Variants in AUP1 observed in about 807,000 individuals in gnomAD.
AUP1 encodes lipid droplet-regulating VLDL assembly factor AUP1.
A neutral mutation model predicts 51.8 loss-of-function variants in AUP1; 30 were observed. The ratio of observed to expected loss-of-function variants is 0.58; its 90% CI spans 0.43 to 0.79. The LOEUF is 0.79. AUP1 is among the 30% of genes least tolerant of loss of function. The pLI is 0.00. For synonymous variants in AUP1, 227 were observed against 209.0 expected (o/e 1.09, Z -0.74); for missense variants, 492 against 517.1 (o/e 0.95, Z 0.47).
rs755012188 is a variant in AUP1 at position 74,528,015 on chromosome 2, A to G, written c.672-9T>C. 1.9e-6 allele frequency: 3 copies of G among 1,614,226 alleles called. No homozygotes were observed. Among genetic ancestry groups the G allele is most frequent in the Non-Finnish European group, 2.5e-6 (3 of 1,180,042 alleles). ...GAACAGGACGAAGCCACCTGCAAAG[A>G]AACAATCCAGGGCTATGTTGTGGGC... On this transcript the variant is annotated splice_polypyrimidine_tract_variant and intron_variant, in intron 6 of 11. Transcript: ENST00000377526.
chr2:74,528,019 AATCCAGGGCTATGTT>A lies in AUP1; in HGVS notation c.672-28_672-14del. On this transcript the variant is annotated splice_polypyrimidine_tract_variant and intron_variant, in intron 6 of 11. Coordinates refer to ENST00000377526, the MANE Select transcript of AUP1 (RefSeq NM_181575.5). ...AGGACGAAGCCACCTGCAAAGAAAC[AATCCAGGGCTATGTT>A]GTGGGCACCCAGGGTAGAGGCTGTC... 1 of 1,614,192 alleles carries A rather than the reference AATCCAGGGCTATGTT, an allele frequency of 6.2e-7. No individual in the cohort carries two copies. The highest frequency in any genetic ancestry group is 1.3e-5 in the African/African-American group (1 of 75,050).
intron 8 of AUP1, 55 bp from the exon 9 acceptor site, chr2:74,527,645 G>A: frequency 3.1e-6 from 5 of 1,589,654 alleles, no homozygotes; most frequent in Non-Finnish European, 4.3e-6. Context: ...AGAACTAGAA[G>A]GAGAGGCTAA....
chr2:74,529,010 G>A (rs1294234555), intron 3 of AUP1, 75 bp from the exon 4 acceptor site: 3 of 1,603,962 alleles, frequency 1.9e-6, no homozygotes, highest in Non-Finnish European at 2.6e-6. Context: ...ATGTTGGGTA[G>A]AGGATCGGGG....
At chr2:74,527,704 C>A (rs372874400) in intron 8 of AUP1, 32 bp downstream of exon 8, 1 of 1,596,576 alleles carries the variant, frequency 6.3e-7, no homozygotes, top group Admixed American at 1.8e-5. Context: ...AAAAAAAAAC[C>A]CCAAAAGCTG....
At position 74,528,946 on chromosome 2, in the gene AUP1, G is replaced by T. The variant is rs199770792; in HGVS notation, c.340-11C>A. The T allele has an allele frequency of 1.9e-6, 3 of 1,613,624 alleles. No individual in the cohort carries two copies. The highest frequency in any genetic ancestry group is 2.5e-6 in the Non-Finnish European group (3 of 1,179,756). On this transcript the variant is annotated splice_polypyrimidine_tract_variant and intron_variant, in intron 3 of 11. Coordinates refer to ENST00000377526, the MANE Select transcript of AUP1 (RefSeq NM_181575.5). ...ACTATTGAGTAGAGGCTGGGAACCA[G>T]GAGAAGAGAAAGCAAGAAGAAAAAT...
In AUP1 at chr2:74,528,915, G is replaced by A; in HGVS notation, c.360C>T (p.Pro120=). 1 of 1,614,130 alleles carries A rather than the reference G, an allele frequency of 6.2e-7. No individual in the cohort carries two copies. The highest frequency in any genetic ancestry group is 8.5e-7 in the Non-Finnish European group (1 of 1,180,000). ...AGCCCCGAGACCAGCACACAAAGCT[G>A]GGGGGACTATTGAGTAGAGGCTGGG... ...TCSTPLLNSP[P]SFVCWSRGFM... Residue 120 remains proline (P), a synonymous_variant, in exon 4 of 12, where the codon CCC becomes CCT. Coordinates refer to ENST00000377526, the MANE Select transcript of AUP1 (RefSeq NM_181575.5).
In AUP1 at chr2:74,527,328, G is replaced by T; in HGVS notation, c.997C>A (p.Leu333Met). 1 of 1,614,166 alleles carries T rather than the reference G, an allele frequency of 6.2e-7. No individual in the cohort carries two copies. Among genetic ancestry groups the T allele is most frequent in the Non-Finnish European group, 8.5e-7 (1 of 1,180,032 alleles). ...TGCVDLTITNLLEGAVAFMPE... is the reference protein window; with the variant it reads ...TGCVDLTITNMLEGAVAFMPE... ...ATGAAAGCTACGGCCCCCTCAAGCA[G>T]ATTAGTGATAGTCAAGTCTACACAG... The change falls in exon 10 of 12, where the codon CTG (leucine) becomes ATG (methionine). Residue 333 changes from leucine (L) to methionine (M), a missense_variant. Physicochemically the swap from Leu to Met is conservative, Grantham distance 15. Transcript: ENST00000377526.
chr2:74,528,053 G>T, intron 6 of AUP1, 47 bp from the exon 7 acceptor site: 1 of 1,605,112 alleles, frequency 6.2e-7, no homozygotes, highest in Non-Finnish European at 8.5e-7. Flanking sequence ...CCAGGGTAGA[G>T]GCTGTCACCA....
chr2:74,527,849 T>C lies in AUP1; in HGVS notation c.739-11A>G. On this transcript the variant is annotated splice_polypyrimidine_tract_variant and intron_variant, in intron 7 of 11. Transcript: ENST00000377526. ...TTCCTTGGCCACCAGCTAGGGAGAATTGGAAGACTGGAAGTGTCAAGATCT... is the reference window on the plus strand; with the variant it reads ...TTCCTTGGCCACCAGCTAGGGAGAACTGGAAGACTGGAAGTGTCAAGATCT... 1.9e-6 allele frequency: 3 copies of C among 1,613,856 alleles called. No homozygotes were observed. Among genetic ancestry groups the C allele is most frequent in the Non-Finnish European group, 1.7e-6 (2 of 1,179,834 alleles).
chr2:74,529,646 G>A lies in AUP1; in HGVS notation c.-17C>T, dbSNP rs757541077. On this transcript the variant is annotated 5_prime_UTR_variant, in exon 1 of 12. Coordinates refer to ENST00000377526, the MANE Select transcript of AUP1 (RefSeq NM_181575.5). ...AAGCTCCATAACTGCTGCTTCAGGA[G>A]CGCCCGGCCGTCGCCGCCGCCGCCA... 4.5e-4 allele frequency: 701 copies of A among 1,552,318 alleles called. No homozygotes were observed. The highest frequency in any genetic ancestry group is 5.0e-4 in the Non-Finnish European group (577 of 1,150,744).
At position 74,529,302 on chromosome 2, in the gene AUP1, T is replaced by C. The variant is rs1675385124; in HGVS notation, c.189-20A>G. 6.2e-7 allele frequency: 1 copy of C among 1,613,968 alleles called. No individual in the cohort carries two copies. Among genetic ancestry groups the C allele is most frequent in the East Asian group, 2.2e-5 (1 of 44,872 alleles). On this transcript the variant is annotated intron_variant, in intron 2 of 11. Coordinates refer to ENST00000377526, the MANE Select transcript of AUP1 (RefSeq NM_181575.5). ...ACGAATCTGGGGACACAGGAGGTGGTGACTGTGTGGCCTCGGGCCAGACCC... is the reference window on the plus strand; with the variant it reads ...ACGAATCTGGGGACACAGGAGGTGGCGACTGTGTGGCCTCGGGCCAGACCC...
In AUP1 at chr2:74,527,925, T is replaced by C. The variant is rs1675272819; in HGVS notation, c.738+15A>G. Reference sequence around the variant, plus strand: ...GCAGGGACCCCGCCTCCACCCTGTCTGTGCACCCGACCACCTGTTGTACAC... The same window carrying C: ...GCAGGGACCCCGCCTCCACCCTGTCCGTGCACCCGACCACCTGTTGTACAC... On this transcript the variant is annotated intron_variant, in intron 7 of 11. Coordinates refer to ENST00000377526, the MANE Select transcript of AUP1 (RefSeq NM_181575.5). 1.2e-6 allele frequency: 2 copies of C among 1,614,164 alleles called. No homozygotes were observed. Among genetic ancestry groups the C allele is most frequent in the East Asian group, 4.5e-5 (2 of 44,878 alleles).
Position 74,528,435 on chromosome 2 carries a change from C to G in AUP1, c.579G>C (p.Gln193His), listed in dbSNP as rs1171776914. ...CACTCACCACAGAGACCAGGGGTCT[C>G]TGAACTTGCAGGGTAAGAGGTTGTA... ...DVVQPLTLQV[Q>H]RPLVSVTVSD... Residue 193 changes from glutamine (Q) to histidine (H), a missense_variant, in exon 5 of 12, where the codon CAG becomes CAC. Physicochemically the swap from Gln to His is conservative, Grantham distance 24. Transcript: ENST00000377526. 4 of 1,613,862 alleles carry G rather than the reference C, an allele frequency of 2.5e-6. No individual in the cohort carries two copies. The highest frequency in any genetic ancestry group is 3.4e-6 in the Non-Finnish European group (4 of 1,179,846).
chr2:74,529,385 C>T lies in AUP1; in HGVS notation c.165G>A (p.Ala55=). 6.2e-7 allele frequency: 1 copy of T among 1,608,138 alleles called. No homozygotes were observed. Among genetic ancestry groups the T allele is most frequent in the Non-Finnish European group, 8.5e-7 (1 of 1,177,152 alleles). The part of the protein sequence containing the change: ...LGIHVFLVSC[A]LPDSVLRRFV... ...ACCTGCGAAGGACGCTGTCTGGCAG[C>T]GCGCAGCTGACCAGGAAGACGTGGA... The change falls in exon 2 of 12, where the codon GCG becomes GCA. Residue 55 remains alanine (A), a synonymous_variant. Transcript: ENST00000377526.
Position 74,529,659 on chromosome 2 carries a change from G to T in AUP1, c.-30C>A. On this transcript the variant is annotated 5_prime_UTR_variant, in exon 1 of 12. Coordinates refer to ENST00000377526, the MANE Select transcript of AUP1 (RefSeq NM_181575.5). ...GCTGCTTCAGGAGCGCCCGGCCGTC[G>T]CCGCCGCCGCCATTTTCGCGCCCGG... is the stretch of plus-strand genomic sequence containing the variant. 6.5e-7 allele frequency: 1 copy of T among 1,544,454 alleles called. No homozygotes were observed.
rs986841209 is a variant in AUP1, at chr2:74,528,811, G to T, written c.464C>A (p.Pro155His). 3.1e-6 allele frequency: 5 copies of T among 1,613,986 alleles called. No homozygotes were observed. The Admixed American group carries it at 6.7e-5, about 22-fold the overall frequency. Residue 155 changes from proline (P) to histidine (H), a missense_variant, in exon 4 of 12, where the codon CCT (proline) becomes CAT (histidine). Physicochemically the swap from Pro to His is moderately conservative, Grantham distance 77 (BLOSUM62 -2). Coordinates refer to ENST00000377526, the MANE Select transcript of AUP1 (RefSeq NM_181575.5). ...CTCTTCCTCAGGGAATAGCAGCAGA[G>T]GAGTGGGGGGAAGCCTCGTGGAAGC... ...FCASTRLPPT[P>H]LLLFPEEEAT... is the part of the protein sequence containing the mutation.
chr2:74,529,656 G>T lies in AUP1; in HGVS notation c.-27C>A, dbSNP rs1467910467. On this transcript the variant is annotated 5_prime_UTR_variant, in exon 1 of 12. Coordinates refer to ENST00000377526, the MANE Select transcript of AUP1 (RefSeq NM_181575.5). ...ACTGCTGCTTCAGGAGCGCCCGGCC[G>T]TCGCCGCCGCCGCCATTTTCGCGCC... 2 of 1,546,534 alleles carry T rather than the reference G, an allele frequency of 1.3e-6. No homozygotes were observed. Among genetic ancestry groups the T allele is most frequent in the Non-Finnish European group, 1.7e-6 (2 of 1,148,338 alleles).
chr2:74,527,954 G>A lies in AUP1; in HGVS notation c.724C>T (p.Leu242Phe). The A allele has an allele frequency of 6.2e-7, 1 of 1,614,206 alleles. No individual in the cohort carries two copies. Among genetic ancestry groups the A allele is most frequent in the Non-Finnish European group, 8.5e-7 (1 of 1,180,040 alleles). Residue 242 changes from leucine (L) to phenylalanine (F), a missense_variant, in exon 7 of 12, where the codon CTC becomes TTC. Transcript: ENST00000377526. ...CACCCGACCACCTGTTGTACACGGA[G>A]TGCAAACTCCTCATTCGCTTCCCCT... ...QLGEANEEFA[L>F]RVQQLVAKEL...
intron 4 of AUP1, 88 bp from the exon 5 acceptor site, chr2:74,528,577 C>G (rs1056906341): frequency 7.8e-6 from 11 of 1,418,572 alleles, no homozygotes; most frequent in Non-Finnish European, 8.9e-6. Context: ...CTGTCAAACT[C>G]TACAAGCACA....
Sources: gnomAD v4.1 joint callset for allele counts on GRCh38, gnomAD v4.1.1 for gene constraint, MANE v1.5 for transcripts, NCBI Gene and HGNC (gene_info 2026-07-23, HGNC 2026-07-21) for gene names.